Variants in CNKSR1 observed in about 807,000 individuals in gnomAD.
The protein encoded by CNKSR1 is CNK homolog protein 1.
Under a neutral mutation model 95.6 loss-of-function variants are expected in CNKSR1, and 88 were observed. That is an observed-to-expected ratio of 0.92 (90% CI 0.78 to 1.10). CNKSR1 has a LOEUF of 1.10. CNKSR1 is among the 50% of genes least tolerant of loss of function. The pLI, the probability that CNKSR1 is intolerant of heterozygous loss-of-function variation, is 0.00. For synonymous variants in CNKSR1, 355 were observed against 369.7 expected, an observed-to-expected ratio of 0.96 and a Z score of 0.46; for missense variants, 836 against 912.0, an observed-to-expected ratio of 0.92 and a Z score of 1.07.
intron 1 of CNKSR1, among the ~76,000 whole-genome samples, chr1:26,178,205 C>T (rs1041688177): frequency 2.6e-5 from 4 of 152,194 alleles, no homozygotes; most frequent in South Asian, 2.1e-4. Context: ...GACAGGCCCA[C>T]ACCCACTGTA....
chr1:26,186,682 G>A lies in CNKSR1; in HGVS notation c.1309-486G>A, dbSNP rs2088757160. 2.6e-5 allele frequency among the ~76,000 whole-genome samples: 4 copies of A among 151,800 alleles called. No individual in the cohort carries two copies. The South Asian group carries it at 6.2e-4, about 24-fold the overall frequency. On this transcript the variant is annotated intron_variant, in intron 14 of 20. Transcript: ENST00000361530. Reference sequence around the variant, plus strand: ...GTAGAGATGGGGTTTCACCATGTTGGCCAGGCTGGTCTCGAACTCCTGACC... The same window carrying A: ...GTAGAGATGGGGTTTCACCATGTTGACCAGGCTGGTCTCGAACTCCTGACC...
At position 26,182,051 on chromosome 1, in the gene CNKSR1, C is replaced by T. The variant is rs138871245; in HGVS notation, c.477+110C>T. On this transcript the variant is annotated intron_variant, in intron 4 of 20. Coordinates refer to ENST00000361530, the MANE Select transcript of CNKSR1 (RefSeq NM_006314.3). ...GATCGAGTATGAGGATTGAGACGGG[C>T]GAGAAAGGAGGAGAGGAGGCCCTGC... 1,036 of 1,098,224 alleles carry T rather than the reference C, an allele frequency of 9.4e-4. 14 individuals are homozygous for T. In the East Asian group the frequency reaches 0.014, roughly 15 times the overall value. 68.0% of individuals were successfully genotyped at this position (1,098,224 alleles called of 1,614,324 possible).
chr1:26,179,261 T>G (rs1452939314), intron 1 of CNKSR1, among the ~76,000 whole-genome samples: 2 of 152,024 alleles, frequency 1.3e-5, no homozygotes, highest in Non-Finnish European at 2.9e-5. Context: ...GATGGTCAAG[T>G]GCAGGGGTTT....
intron 11 of CNKSR1, 52 bp downstream of exon 11, chr1:26,184,339 T>C: frequency 1.2e-6 from 2 of 1,605,522 alleles, no homozygotes; most frequent in South Asian, 1.1e-5. Context: ...GGCACCCAGT[T>C]CTGACCCCAA....
intron 13 of CNKSR1, 94 bp downstream of exon 13, chr1:26,184,706 C>A: frequency 1.4e-6 from 2 of 1,398,358 alleles, no homozygotes; most frequent in Non-Finnish European, 2.0e-6. Flanking sequence ...ATCCTTCCCA[C>A]ACAGCCTCTC....
chr1:26,181,578 A>T (rs1376072590), intron 3 of CNKSR1: 3 of 404,052 alleles, frequency 7.4e-6, no homozygotes, highest in Non-Finnish European at 1.4e-5. Flanking sequence ...CCAATGTTTC[A>T]TGATACTCAT....
intron 3 of CNKSR1, 28 bp downstream of exon 3, chr1:26,180,924 G>A (rs768465698): frequency 2.5e-6 from 4 of 1,613,512 alleles, no homozygotes; most frequent in African/African-American, 2.7e-5. Flanking sequence ...ACGAGTGAGG[G>A]ACTATTGTCA....
At chr1:26,182,089 G>A (rs2088656488) in intron 4 of CNKSR1, 148 bp downstream of exon 4, 3 of 836,908 alleles carry the variant, frequency 3.6e-6, no homozygotes, top group Admixed American at 4.0e-5. Context: ...CTGGGTATGG[G>A]ACAATGGGGC....
rs1235066773 is a variant in CNKSR1 at position 26,184,067 on chromosome 1, C to T, written c.856-4C>T. On this transcript the variant is annotated splice_polypyrimidine_tract_variant and splice_region_variant and intron_variant, in intron 9 of 20. Transcript: ENST00000361530. The stretch of plus-strand genomic sequence containing the variant: ...CCATTGCTTTGTTCCTGGTTGTTCC[C>T]CAGACGCCCCCTCAGGTCCTGGACT... The T allele has an allele frequency of 1.3e-5, 21 of 1,610,244 alleles. No homozygotes were observed. Among genetic ancestry groups the T allele is most frequent in the Non-Finnish European group, 1.7e-5 (20 of 1,178,808 alleles).
intron 14 of CNKSR1, among the ~76,000 whole-genome samples, chr1:26,185,614 G>A (rs1330125710): frequency 1.3e-5 from 2 of 151,944 alleles, no homozygotes; most frequent in East Asian, 1.9e-4. Context: ...GGATGGTCTC[G>A]ATCTCCTGAC....
chr1:26,184,524 A>T lies in CNKSR1; in HGVS notation c.1107+17A>T, dbSNP rs546385304. 2.5e-6 allele frequency: 4 copies of T among 1,608,010 alleles called. No individual in the cohort carries two copies. The highest frequency in any genetic ancestry group is 2.7e-5 in the African/African-American group (2 of 74,940). ...CCTGACAAGGTAAGCTCAGGGGCTTAGCAAGGGGGTGGGTGGGTCTGGACC... is the reference window on the plus strand; with the variant it reads ...CCTGACAAGGTAAGCTCAGGGGCTTTGCAAGGGGGTGGGTGGGTCTGGACC... On this transcript the variant is annotated intron_variant, in intron 12 of 20. Coordinates refer to ENST00000361530, the MANE Select transcript of CNKSR1 (RefSeq NM_006314.3).
intron 14 of CNKSR1, among the ~76,000 whole-genome samples, chr1:26,185,769 G>T (rs950700481): frequency 6.6e-6 from 1 of 152,024 alleles, no homozygotes; most frequent in African/African-American, 2.4e-5. Flanking sequence ...GGGCTCAAGC[G>T]TTCTGCCTGC....
chr1:26,185,687 C>T (rs554413388), intron 14 of CNKSR1, among the ~76,000 whole-genome samples: 14 of 151,850 alleles, frequency 9.2e-5, no homozygotes, highest in African/African-American at 1.9e-4. Flanking sequence ...CCACCACACC[C>T]GGCCCTGAAA....
Position 26,184,514 on chromosome 1 carries a change from T to C in CNKSR1, c.1107+7T>C, listed in dbSNP as rs1323328889. 1 of 1,609,686 alleles carries C rather than the reference T, an allele frequency of 6.2e-7. No individual in the cohort carries two copies. The highest frequency in any genetic ancestry group is 8.5e-7 in the Non-Finnish European group (1 of 1,177,986). On this transcript the variant is annotated splice_region_variant and intron_variant, in intron 12 of 20. Transcript: ENST00000361530. ...CCCTGAATCCCCTGACAAGGTAAGC[T>C]CAGGGGCTTAGCAAGGGGGTGGGTG...
chr1:26,182,292 C>T (rs1004056326), intron 4 of CNKSR1, 69 bp from the exon 5 acceptor site: 1 of 1,517,032 alleles, frequency 6.6e-7, no homozygotes, highest in East Asian at 2.3e-5. Context: ...CCACCCTGCC[C>T]CCAGGAGAAG....
At chr1:26,183,704 ACC>A (rs1203773372) in intron 8 of CNKSR1, 23 bp from the exon 9 acceptor site, 1 of 1,533,176 alleles carries the variant, frequency 6.5e-7, no homozygotes, top group Admixed American at 1.7e-5. Flanking sequence ...CCAGGTTGAT[ACC>A]AGCCAGTGTT....
At chr1:26,180,992 A>G (rs2088638765) in intron 3 of CNKSR1, 96 bp downstream of exon 3, 3 of 1,502,838 alleles carry the variant, frequency 2.0e-6, no homozygotes, top group Admixed American at 1.7e-5. Flanking sequence ...TTGTTCAGAT[A>G]TGGTGAGCCA....
chr1:26,181,009 G>C, intron 3 of CNKSR1, 113 bp downstream of exon 3: 1 of 1,352,010 alleles, frequency 7.4e-7, no homozygotes, highest in East Asian at 2.3e-5. Context: ...GCCAGGCGTG[G>C]TGGCTTAGGT....
intron 3 of CNKSR1, 157 bp from the exon 4 acceptor site, chr1:26,181,700 A>T (rs1411596932): frequency 2.8e-6 from 2 of 704,298 alleles, no homozygotes; most frequent in Non-Finnish European, 5.1e-6. Flanking sequence ...GTCCTGTGCT[A>T]ATCTCTTTAG....
Sources: allele counts gnomAD v4.1 joint callset (sites outside exome capture counted in the v4.1 genomes callset), GRCh38; gene constraint gnomAD v4.1.1; transcripts MANE v1.5; gene names NCBI Gene and HGNC (gene_info 2026-07-23, HGNC 2026-07-21).